Variants in NRG1 observed in about 807,000 individuals in gnomAD.
The protein encoded by NRG1 is neuregulin 1, also known as pro-neuregulin-1, membrane-bound isoform.
Under a neutral mutation model 63.8 loss-of-function variants are expected in NRG1, and 18 were observed. The ratio of observed to expected loss-of-function variants is 0.28; its 90% CI spans 0.19 to 0.42. NRG1 has a LOEUF of 0.42. Ranked by LOEUF, NRG1 falls within the 10% of genes least tolerant of loss-of-function variation. The probability of loss-of-function intolerance (pLI) is 1.00; values close to 1 mark genes in which losing one functional copy is unlikely to be tolerated. For synonymous variants in NRG1, 302 were observed against 301.3 expected (o/e 1.00, Z -0.02); for missense variants, 762 against 814.7 (o/e 0.94, Z 0.79).
intron 6 of NRG1, among the ~76,000 whole-genome samples, chr8:32,730,904 T>C (rs937280196): frequency 6.6e-6 from 1 of 152,198 alleles, no homozygotes; most frequent in African/African-American, 2.4e-5. Context: ...TTATAGGTCC[T>C]TAAATTCTTC....
intron 1 of NRG1, among the ~76,000 whole-genome samples, chr8:31,789,133 G>A (rs549193276): frequency 2.0e-5 from 3 of 152,128 alleles, no homozygotes; most frequent in Admixed American, 6.6e-5. Context: ...TAACATAAAA[G>A]GTTAGAAAAC....
At chr8:32,493,182 A>C (rs1464969879) in intron 1 of NRG1, among the ~76,000 whole-genome samples, 1 of 152,128 alleles carries the variant, frequency 6.6e-6, no homozygotes, top group African/African-American at 2.4e-5. Flanking sequence ...ATTTATTGTA[A>C]ACCAGAGCCT....
At chr8:31,892,573 A>G (rs778945728) in intron 1 of NRG1, among the ~76,000 whole-genome samples, 1 of 152,152 alleles carries the variant, frequency 6.6e-6, no homozygotes, top group Non-Finnish European at 1.5e-5. Context: ...TTAAGAACAT[A>G]ATAAAATTAT....
chr8:32,320,173 T>G (rs950507252), intron 1 of NRG1, among the ~76,000 whole-genome samples: 1 of 152,204 alleles, frequency 6.6e-6, no homozygotes, highest in Non-Finnish European at 1.5e-5. Context: ...ATTTTTAAAT[T>G]AAAAATATAT....
intron 1 of NRG1, among the ~76,000 whole-genome samples, chr8:32,262,979 C>G (rs1047633449): frequency 6.6e-6 from 1 of 152,248 alleles, no homozygotes; most frequent in African/African-American, 2.4e-5. Flanking sequence ...TAAGCTTGCA[C>G]GTGGTACCTT....
chr8:32,435,830 A>AT (rs1341833227), intron 1 of NRG1, among the ~76,000 whole-genome samples: 3 of 152,222 alleles, frequency 2.0e-5, no homozygotes, highest in Admixed American at 6.5e-5. Flanking sequence ...TAGGATGTAC[A>AT]TCCTAATATA....
chr8:32,265,779 G>C (rs1217768072), intron 1 of NRG1, among the ~76,000 whole-genome samples: 1 of 151,988 alleles, frequency 6.6e-6, no homozygotes, highest in Non-Finnish European at 1.5e-5. Context: ...GGAGGTGGAG[G>C]CTATAGTGAG....
chr8:32,756,606 C>T (rs1030314824), intron 9 of NRG1, 77 bp downstream of exon 9: 4 of 1,489,958 alleles, frequency 2.7e-6, no homozygotes, highest in Non-Finnish European at 3.6e-6. Flanking sequence ...TTTTCGAAAG[C>T]TCTTAAGCTT....
chr8:31,855,751 C>T (rs889285754), intron 1 of NRG1, among the ~76,000 whole-genome samples: 134 of 152,168 alleles, frequency 8.8e-4, no homozygotes, highest in African/African-American at 2.7e-3. Context: ...CGGCTGGTAC[C>T]GGTTGTTCCT....
intron 1 of NRG1, among the ~76,000 whole-genome samples, chr8:32,424,939 G>T (rs1024341739): frequency 2.6e-5 from 4 of 152,116 alleles, no homozygotes; most frequent in African/African-American, 9.7e-5. Context: ...TCATATATTT[G>T]AGTCTTTGTT....
At chr8:32,170,750 C>T (rs1302098203) in intron 1 of NRG1, among the ~76,000 whole-genome samples, 2 of 152,194 alleles carry the variant, frequency 1.3e-5, no homozygotes, top group African/African-American at 4.8e-5. Context: ...TTTGGAGTAT[C>T]TAGTCTCCAA....
chr8:32,527,182 CCCCACTTATATGTTTATTGCAGCACTACT>C (rs1373205944), intron 1 of NRG1, among the ~76,000 whole-genome samples: 7 of 152,060 alleles, frequency 4.6e-5, no homozygotes, highest in Admixed American at 1.3e-4. Context: ...AAAAAGATAC[CCCCACTTATATGTTTATTGCAGCACTACT>C]CACAAAGGGC....
At chr8:32,667,761 T>C (rs1804572424) in intron 5 of NRG1, among the ~76,000 whole-genome samples, 1 of 152,162 alleles carries the variant, frequency 6.6e-6, no homozygotes, top group Non-Finnish European at 1.5e-5. Context: ...ACTGGCTGAT[T>C]GACTTTGATT....
intron 1 of NRG1, among the ~76,000 whole-genome samples, chr8:31,967,015 GT>G (rs1806457108): frequency 6.6e-6 from 1 of 152,122 alleles, no homozygotes; most frequent in Non-Finnish European, 1.5e-5. Context: ...TTCTAATTAT[GT>G]TTTGTTTGGG....
chr8:32,672,209 T>G (rs1299511550), intron 5 of NRG1, among the ~76,000 whole-genome samples: 2 of 152,082 alleles, frequency 1.3e-5, no homozygotes, highest in African/African-American at 4.8e-5. Context: ...CACGCCCCAC[T>G]AATTTTTGTA....
intron 5 of NRG1, among the ~76,000 whole-genome samples, chr8:32,648,867 C>G (rs1013853201): frequency 6.6e-6 from 1 of 152,170 alleles, no homozygotes; most frequent in Non-Finnish European, 1.5e-5. Context: ...CTCTCCTTCC[C>G]GTTCCCTAAC....
intron 1 of NRG1, among the ~76,000 whole-genome samples, chr8:31,779,042 A>G (rs1200830196): frequency 3.3e-5 from 5 of 152,236 alleles, no homozygotes; most frequent in Non-Finnish European, 7.3e-5. Flanking sequence ...CTGAAAAATG[A>G]GAGCTGTTTC....
chr8:31,777,879 G>T (rs1819303721), intron 1 of NRG1, among the ~76,000 whole-genome samples: 1 of 152,136 alleles, frequency 6.6e-6, no homozygotes, highest in Admixed American at 6.5e-5. Flanking sequence ...ATAGCACCAA[G>T]CCATTCATGA....
intron 1 of NRG1, among the ~76,000 whole-genome samples, chr8:32,029,781 A>G (rs1817979321): frequency 6.6e-6 from 1 of 152,204 alleles, no homozygotes; most frequent in South Asian, 2.1e-4. Context: ...CCTGAATCGT[A>G]TTAAATACTT....
Sources: allele counts gnomAD v4.1 joint callset (sites outside exome capture counted in the v4.1 genomes callset), GRCh38; gene constraint gnomAD v4.1.1; transcripts MANE v1.5; gene names NCBI Gene and HGNC (gene_info 2026-07-23, HGNC 2026-07-21).